Variants in JARID2 observed in about 807,000 individuals in gnomAD.
JARID2 encodes protein Jumonji.
JARID2 carries 21 observed loss-of-function variants against 125.6 expected under a neutral mutation model. The observed-to-expected ratio is 0.17, with a 90% CI of 0.12 to 0.24. JARID2 has a LOEUF of 0.24. JARID2 is among the 10% of genes least tolerant of loss of function. The probability of loss-of-function intolerance (pLI) is 1.00; values close to 1 mark genes in which losing one functional copy is unlikely to be tolerated. For missense variants in JARID2, 1,303 were observed against 1,639.6 expected, an observed-to-expected ratio of 0.79 and a Z score of 3.55; for synonymous variants, 736 against 661.6, an observed-to-expected ratio of 1.11 and a Z score of -1.73.
At chr6:15,509,058 G>A (rs1364386225) in intron 12 of JARID2, 8 of 1,289,206 alleles carry the variant, frequency 6.2e-6, no homozygotes, top group Admixed American at 2.3e-5. Flanking sequence ...AGACACGCGC[G>A]TTATGTACCC....
At chr6:15,345,374 A>AG (rs1763210446) in intron 1 of JARID2, among the ~76,000 whole-genome samples, 1 of 152,210 alleles carries the variant, frequency 6.6e-6, no homozygotes, top group Non-Finnish European at 1.5e-5. Flanking sequence ...GCTGTCAATT[A>AG]CGAGTTGCAC....
intron 4 of JARID2, among the ~76,000 whole-genome samples, chr6:15,463,912 G>T (rs1274044415): frequency 6.6e-6 from 1 of 152,160 alleles, no homozygotes; most frequent in African/African-American, 2.4e-5. Context: ...CTTTCATCCT[G>T]TTTGTATTGA....
At chr6:15,517,082 C>A (rs1010408880) in intron 16 of JARID2, 79 bp from the exon 17 acceptor site, 2 of 1,043,112 alleles carry the variant, frequency 1.9e-6, no homozygotes, top group Admixed American at 1.8e-5. Context: ...GCTGCCCGGC[C>A]GGGCGTGCTC....
At chr6:15,434,279 TC>T (rs1175777169) in intron 3 of JARID2, among the ~76,000 whole-genome samples, 1 of 152,142 alleles carries the variant, frequency 6.6e-6, no homozygotes, top group Non-Finnish European at 1.5e-5. Context: ...TACTCCTCAA[TC>T]AGTGACTTAT....
At chr6:15,300,682 G>A (rs989387555) in intron 1 of JARID2, among the ~76,000 whole-genome samples, 4 of 110,226 alleles carry the variant, frequency 3.6e-5, no homozygotes, top group Admixed American at 2.6e-4. Context: ...GTGTCCTCAT[G>A]TTGTGTGTGT....
intron 2 of JARID2, among the ~76,000 whole-genome samples, chr6:15,375,174 C>T (rs1457016714): frequency 1.3e-5 from 2 of 152,194 alleles, no homozygotes; most frequent in African/African-American, 2.4e-5. Flanking sequence ...CTGGCAGCCT[C>T]CTGTTGGAAC....
intron 1 of JARID2, among the ~76,000 whole-genome samples, chr6:15,372,317 C>G (rs1397357244): frequency 6.6e-6 from 1 of 152,050 alleles, no homozygotes; most frequent in East Asian, 1.9e-4. Context: ...ACCTGAATAT[C>G]CAAAATACCC....
chr6:15,368,556 G>C, intron 1 of JARID2: 1 of 356,072 alleles, frequency 2.8e-6, no homozygotes, highest in Non-Finnish European at 5.6e-6. Context: ...AATTCTGGTT[G>C]TTGGGTTTTA....
intron 4 of JARID2, among the ~76,000 whole-genome samples, chr6:15,466,178 G>A (rs1446842040): frequency 6.6e-6 from 1 of 152,208 alleles, no homozygotes; most frequent in Admixed American, 6.5e-5. Context: ...AGAGGGGAGA[G>A]AGGAAGGCTG....
chr6:15,279,223 G>C (rs1205244710), intron 1 of JARID2, among the ~76,000 whole-genome samples: 1 of 152,044 alleles, frequency 6.6e-6, no homozygotes, highest in Non-Finnish European at 1.5e-5. Context: ...CCTTAGTTTT[G>C]TGTATTCTGA....
At chr6:15,431,040 C>G (rs375289016) in intron 3 of JARID2, among the ~76,000 whole-genome samples, 2 of 152,110 alleles carry the variant, frequency 1.3e-5, no homozygotes, top group Non-Finnish European at 2.9e-5. Flanking sequence ...CTTGTTGTTC[C>G]GGCAAATACC....
chr6:15,301,151 A>G (rs75099931), intron 1 of JARID2, among the ~76,000 whole-genome samples: 375 of 152,366 alleles, frequency 2.5e-3, no homozygotes, highest in African/African-American at 8.6e-3. Flanking sequence ...GTCTTTAAAA[A>G]TTCCAAAGGA....
intron 1 of JARID2, among the ~76,000 whole-genome samples, chr6:15,306,328 C>CTTTTTTTTTTTTTTTTTTT (rs398000594): frequency 1.0e-5 from 1 of 99,250 alleles, no homozygotes. Context: ...AGTCATATTT[C>CTTTTTTTTTTTTTTTTTTT]TTTTTTTTTT....
rs1163176297 is a variant in JARID2, at chr6:15,512,403, G to A, written c.3135+13G>A. On this transcript the variant is annotated intron_variant, in intron 14 of 17. Transcript: ENST00000341776. ...TGAGACCGCCAAGGTGAGCAGAGCC[G>A]GCCTCCTCCCGCTTGCTGCCCCCGC... is the stretch of plus-strand genomic sequence containing the variant. 3.7e-6 allele frequency: 6 copies of A among 1,611,366 alleles called. No homozygotes were observed. Among genetic ancestry groups the A allele is most frequent in the African/African-American group, 1.3e-5 (1 of 74,892 alleles).
At chr6:15,440,771 A>T (rs940903900) in intron 3 of JARID2, among the ~76,000 whole-genome samples, 1 of 152,230 alleles carries the variant, frequency 6.6e-6, no homozygotes, top group Non-Finnish European at 1.5e-5. Flanking sequence ...CAGAGAGCTC[A>T]AACAGTCAGA....
chr6:15,255,030 A>G (rs1581328540), intron 1 of JARID2, among the ~76,000 whole-genome samples: 1 of 151,834 alleles, frequency 6.6e-6, no homozygotes, highest in Admixed American at 6.6e-5. Flanking sequence ...AAAAACAAAA[A>G]AAAAACACCA....
At chr6:15,424,817 C>T (rs956733273) in intron 3 of JARID2, among the ~76,000 whole-genome samples, 2 of 152,148 alleles carry the variant, frequency 1.3e-5, no homozygotes, top group Non-Finnish European at 2.9e-5. Context: ...TGAGATCGTG[C>T]CATTGCACTC....
At chr6:15,484,777 C>G (rs1454185685) in intron 5 of JARID2, among the ~76,000 whole-genome samples, 1 of 152,144 alleles carries the variant, frequency 6.6e-6, no homozygotes, top group Non-Finnish European at 1.5e-5. Context: ...ACTGGTGCTT[C>G]TTTGTAGCAG....
At position 15,336,989 on chromosome 6, in the gene JARID2, T is replaced by C. The variant is rs73361583; in HGVS notation, c.46-37128T>C. 4.1e-3 allele frequency among the ~76,000 whole-genome samples: 620 copies of C among 152,316 alleles called. 8 individuals carry two copies. The highest frequency in any genetic ancestry group is 0.014 in the African/African-American group (594 of 41,574). On this transcript the variant is annotated intron_variant, in intron 1 of 17. Transcript: ENST00000341776. ...AAGTCACACATAAAAATCAATTTGTTATTTGTAATCACTCCACTTAAATGT... is the reference window on the plus strand; with the variant it reads ...AAGTCACACATAAAAATCAATTTGTCATTTGTAATCACTCCACTTAAATGT...
Sources: allele counts gnomAD v4.1 joint callset (sites outside exome capture counted in the v4.1 genomes callset), GRCh38; gene constraint gnomAD v4.1.1; transcripts MANE v1.5; gene names NCBI Gene and HGNC (gene_info 2026-07-23, HGNC 2026-07-21).